TIAM1: variants seen among roughly 807,000 people sequenced by gnomAD.
The protein encoded by TIAM1 is TIAM Rac1 associated GEF 1, also known as rho guanine nucleotide exchange factor TIAM1.
TIAM1 carries 65 observed loss-of-function variants against 163.5 expected under a neutral mutation model. The observed-to-expected ratio is 0.40, with a 90% CI of 0.33 to 0.49. The LOEUF (loss-of-function observed/expected upper bound fraction) is 0.49, where lower values mean the gene tolerates loss of function less well. TIAM1 is among the 20% of genes least tolerant of loss of function. The pLI, the probability that TIAM1 is intolerant of heterozygous loss-of-function variation, is 0.77. For missense variants in TIAM1, 1,789 were observed against 2,044.7 expected (o/e 0.87, Z 2.41); for synonymous variants, 833 against 810.1 (o/e 1.03, Z -0.48).
chr21:31,479,540 A>C (rs2833422), intron 1 of TIAM1, among the ~76,000 whole-genome samples: 89,662 of 151,828 alleles, frequency 0.59, 27,348 homozygotes, highest in African/African-American at 0.7. Flanking sequence ...CCAATTGTTA[A>C]AGTTTTAGGA....
chr21:31,153,201 T>C (rs1601315885), intron 17 of TIAM1, 67 bp from the exon 18 acceptor site: 1 of 1,288,520 alleles, frequency 7.8e-7, no homozygotes, highest in East Asian at 2.3e-5. Context: ...GAACTTAAAG[T>C]ATAAAGCATA....
intron 10 of TIAM1, among the ~76,000 whole-genome samples, chr21:31,210,832 C>G (rs1350912224): frequency 6.8e-6 from 1 of 148,100 alleles, no homozygotes; most frequent in African/African-American, 2.5e-5. Context: ...TTCAGCTCAG[C>G]TTTATGGCTC....
intron 2 of TIAM1, among the ~76,000 whole-genome samples, chr21:31,329,972 C>T (rs1034615109): frequency 2.6e-5 from 4 of 152,142 alleles, no homozygotes; most frequent in Admixed American, 1.3e-4. Flanking sequence ...CACAGCCTCC[C>T]GACTACCAAG....
intron 10 of TIAM1, chr21:31,213,071 G>A (rs2086970594): frequency 3.9e-6 from 1 of 259,442 alleles, no homozygotes. Flanking sequence ...GGGAAGAGAA[G>A]TTGTACATGG....
At chr21:31,346,227 T>A (rs1405523079), upstream of TIAM1, among the ~76,000 whole-genome samples, 1 of 152,090 alleles carries the variant, frequency 6.6e-6, no homozygotes, top group African/African-American at 2.4e-5. Context: ...ATTTAGAAGT[T>A]TCACTATCAC....
intron 1 of TIAM1, among the ~76,000 whole-genome samples, chr21:31,517,617 G>A (rs776654481): frequency 1.3e-5 from 2 of 152,088 alleles, no homozygotes; most frequent in Admixed American, 6.6e-5. Flanking sequence ...AAGGAATGCC[G>A]GTACCATGGT....
chr21:31,226,109 C>T (rs554647515), intron 6 of TIAM1, among the ~76,000 whole-genome samples, 159 bp from the exon 7 acceptor site: 2 of 152,334 alleles, frequency 1.3e-5, no homozygotes, highest in Admixed American at 1.3e-4. Context: ...TTCAGGAAAT[C>T]AGTAACAAAA....
rs183770956 is a variant in TIAM1 at position 31,317,170 on chromosome 21, C to T, written c.-189+22073G>A. Among the ~76,000 whole-genome samples the T allele has an allele frequency of 1.7e-3, 261 of 152,278 alleles. 5 individuals are homozygous for T. The South Asian group carries it at 0.029, about 17-fold the overall frequency. On this transcript the variant is annotated intron_variant, in intron 2 of 27. Transcript: ENST00000541036. ...TGGATTGACGACACTTAAAACACTG[C>T]TTGGCCGGGCATGGTGGCTCAAGCC...
chr21:31,419,921 C>T (rs975469519), intron 2 of TIAM1, among the ~76,000 whole-genome samples: 4 of 152,064 alleles, frequency 2.6e-5, no homozygotes, highest in South Asian at 2.1e-4. Flanking sequence ...CGTGGTGGCG[C>T]GTCTGTGGTC....
At chr21:31,510,429 A>G (rs370002602) in intron 1 of TIAM1, among the ~76,000 whole-genome samples, 16 of 152,326 alleles carry the variant, frequency 1.1e-4, no homozygotes, top group African/African-American at 3.4e-4. Context: ...CTGTCTCCAA[A>G]TACAATCACA....
intron 13 of TIAM1, among the ~76,000 whole-genome samples, chr21:31,191,105 G>A (rs903516318): frequency 7.2e-5 from 11 of 152,242 alleles, no homozygotes; most frequent in African/African-American, 2.6e-4. Flanking sequence ...AAACCAACCC[G>A]AGCACGGAGA....
intron 2 of TIAM1, among the ~76,000 whole-genome samples, chr21:31,335,109 C>T (rs2075796947): frequency 6.6e-6 from 1 of 152,102 alleles, no homozygotes; most frequent in South Asian, 2.1e-4. Context: ...GTTTGTGCCA[C>T]AAAACAAAAA....
chr21:31,230,814 G>A (rs1165494273), intron 6 of TIAM1, among the ~76,000 whole-genome samples: 6 of 151,886 alleles, frequency 4.0e-5, no homozygotes, highest in African/African-American at 1.5e-4. Context: ...GATTACAGGC[G>A]TACACCACCA....
chr21:31,508,785 C>T (rs1309143046), intron 1 of TIAM1, among the ~76,000 whole-genome samples: 3 of 152,136 alleles, frequency 2.0e-5, no homozygotes, highest in African/African-American at 4.8e-5. Context: ...AGACTATATC[C>T]GAGATCCTAG....
intron 2 of TIAM1, among the ~76,000 whole-genome samples, chr21:31,423,854 CGGGG>C (rs1244509919): frequency 4.0e-5 from 1 of 24,754 alleles, no homozygotes; most frequent in South Asian, 1.6e-3. Context: ...TAATGATTAT[CGGGG>C]GGGGCGGGGG....
At chr21:31,512,914 G>T (rs74314375) in intron 1 of TIAM1, among the ~76,000 whole-genome samples, 15,593 of 152,036 alleles carry the variant, frequency 0.1, 1,735 homozygotes, top group East Asian at 0.61. Flanking sequence ...AAAGTGCTGT[G>T]ATTACAGGCA....
chr21:31,479,268 T>C (rs890681630), intron 1 of TIAM1, among the ~76,000 whole-genome samples: 1 of 152,194 alleles, frequency 6.6e-6, no homozygotes, highest in African/African-American at 2.4e-5. Flanking sequence ...AGTTTTCTTG[T>C]CTATAAAATG....
chr21:31,528,547 G>C (rs2047860623), intron 1 of TIAM1, among the ~76,000 whole-genome samples: 1 of 149,858 alleles, frequency 6.7e-6, no homozygotes, highest in African/African-American at 2.5e-5. Flanking sequence ...GCTCACACCT[G>C]TAATCCCAGC....
At chr21:31,333,739 C>T (rs2075753924) in intron 2 of TIAM1, among the ~76,000 whole-genome samples, 1 of 152,204 alleles carries the variant, frequency 6.6e-6, no homozygotes, top group Admixed American at 6.5e-5. Context: ...CACGCCTGGC[C>T]TGAACACTTA....
Sources: allele counts gnomAD v4.1 joint callset (sites outside exome capture counted in the v4.1 genomes callset), GRCh38; gene constraint gnomAD v4.1.1; transcripts MANE v1.5; gene names NCBI Gene and HGNC (gene_info 2026-07-23, HGNC 2026-07-21).